UNC79: variants seen among roughly 807,000 people sequenced by gnomAD.
The protein encoded by UNC79 is unc-79 subunit of NALCN channel complex.
UNC79 carries 37 observed loss-of-function variants against 283.1 expected under a neutral mutation model. The observed-to-expected ratio is 0.13, with a 90% CI of 0.10 to 0.17. The LOEUF is 0.17. Ranked by LOEUF, UNC79 falls within the 10% of genes least tolerant of loss-of-function variation. The probability of loss-of-function intolerance (pLI) is 1.00; values close to 1 mark genes in which losing one functional copy is unlikely to be tolerated. For missense variants in UNC79, 2,272 were observed against 3,211.1 expected (o/e 0.71, Z 7.07); for synonymous variants, 1,107 against 1,200.2 (o/e 0.92, Z 1.61).
intron 8 of UNC79, among the ~76,000 whole-genome samples, chr14:93,527,775 T>C (rs1027443733): frequency 1.4e-4 from 21 of 152,228 alleles, no homozygotes; most frequent in African/African-American, 4.3e-4. Flanking sequence ...TTGTAAATTA[T>C]AGAAATTTAA....
In UNC79 at chr14:93,452,603, G is replaced by T. The variant is rs367965904; in HGVS notation, c.23-15068G>T. 2.0e-5 allele frequency among the ~76,000 whole-genome samples: 3 copies of T among 152,050 alleles called. No individual in the cohort carries two copies. In the South Asian group the frequency reaches 6.2e-4, roughly 32 times the overall value. On this transcript the variant is annotated intron_variant, in intron 1 of 48. Transcript: ENST00000555664. ...AGGGTTTCGCCATGTTGGACAGACTGGTCTCGACCCCTGACCTCAGATGAC... is the reference window on the plus strand; with the variant it reads ...AGGGTTTCGCCATGTTGGACAGACTTGTCTCGACCCCTGACCTCAGATGAC...
At position 93,530,730 on chromosome 14, in the gene UNC79, A is replaced by G. The variant is rs529541837; in HGVS notation, c.1093+1404A>G. Reference sequence around the variant, plus strand: ...CAAGACCATCCTGGCTAACATGGTGAAACCCCGTCACTACTAAAAATACAA... The same window carrying G: ...CAAGACCATCCTGGCTAACATGGTGGAACCCCGTCACTACTAAAAATACAA... On this transcript the variant is annotated intron_variant, in intron 10 of 48. Transcript: ENST00000555664. Among the ~76,000 whole-genome samples, 22 of 152,310 alleles carry G rather than the reference A, an allele frequency of 1.4e-4. No individual in the cohort carries two copies. In the South Asian group the frequency reaches 3.7e-3, roughly 26 times the overall value.
At chr14:93,501,168 T>C (rs771423496) in intron 7 of UNC79, among the ~76,000 whole-genome samples, 1 of 150,750 alleles carries the variant, frequency 6.6e-6, no homozygotes, top group Non-Finnish European at 1.5e-5. Flanking sequence ...CTACTAAAAA[T>C]ACAAAAATTA....
At chr14:93,444,890 C>A (rs2056417657) in intron 1 of UNC79, among the ~76,000 whole-genome samples, 1 of 152,152 alleles carries the variant, frequency 6.6e-6, no homozygotes. Context: ...TAATTTGCTT[C>A]CAAGGAAGCT....
Position 93,700,247 on chromosome 14 carries a change from TAG to T in UNC79, c.7549-4375_7549-4374del, listed in dbSNP as rs2075431093. Among the ~76,000 whole-genome samples, 3 of 152,254 alleles carry T rather than the reference TAG, an allele frequency of 2.0e-5. No individual in the cohort carries two copies. The South Asian group carries it at 6.2e-4, about 32-fold the overall frequency. ...GCAATTTGATGATGCTATGCCTTGG[TAG>T]AGTTTTCTTCATATTTCTGGTGCTT... On this transcript the variant is annotated intron_variant, in intron 47 of 48. Coordinates refer to ENST00000555664, the Ensembl canonical transcript of UNC79.
intron 33 of UNC79, among the ~76,000 whole-genome samples, chr14:93,642,424 C>CAAAA (rs5810634): frequency 1.9e-5 from 2 of 106,142 alleles, no homozygotes; most frequent in Non-Finnish European, 1.8e-5. Context: ...GACTCCATCT[C>CAAAA]AAAAAAAAAA....
chr14:93,699,055 CCTAT>C (rs2075351797), intron 47 of UNC79, among the ~76,000 whole-genome samples: 2 of 151,886 alleles, frequency 1.3e-5, no homozygotes, highest in African/African-American at 4.8e-5. Flanking sequence ...TTACTTTTAA[CCTAT>C]CTATGTTTTT....
At chr14:93,379,308 T>TGA (rs557764223) in intron 1 of UNC79, among the ~76,000 whole-genome samples, 403 of 152,152 alleles carry the variant, frequency 2.6e-3, no homozygotes, top group African/African-American at 9.2e-3. Context: ...TGGTGGAGGT[T>TGA]GAGAGAGAGT....
intron 4 of UNC79, among the ~76,000 whole-genome samples, chr14:93,479,433 G>T (rs940077240): frequency 1.3e-5 from 2 of 152,090 alleles, no homozygotes; most frequent in Non-Finnish European, 2.9e-5. Flanking sequence ...AAATAGCTGG[G>T]ACTACAGGCA....
At chr14:93,404,493 A>AATATATATATATATATAT (rs1445930733) in intron 1 of UNC79, among the ~76,000 whole-genome samples, 1 of 61,486 alleles carries the variant, frequency 1.6e-5, no homozygotes, top group East Asian at 2.8e-4. Flanking sequence ...TTCTAAAAAA[A>AATATATATATATATATAT]ATATATATAT....
intron 25 of UNC79, among the ~76,000 whole-genome samples, chr14:93,602,475 A>T (rs750379964): frequency 6.6e-6 from 1 of 152,200 alleles, no homozygotes; most frequent in Non-Finnish European, 1.5e-5. Flanking sequence ...CTATTTTAAT[A>T]CAAGTACCAT....
chr14:93,566,515 C>G (rs1297333495), intron 14 of UNC79, among the ~76,000 whole-genome samples: 3 of 152,094 alleles, frequency 2.0e-5, no homozygotes, highest in African/African-American at 7.2e-5. Context: ...CCTTGAGTAA[C>G]AGGCCACCTG....
intron 4 of UNC79, among the ~76,000 whole-genome samples, chr14:93,482,230 C>T (rs1428559826): frequency 1.3e-5 from 2 of 152,122 alleles, no homozygotes; most frequent in African/African-American, 4.8e-5. Context: ...AGGCCATCTG[C>T]TGGGGCTTGG....
At chr14:93,695,315 A>G (rs1342592577) in intron 47 of UNC79, among the ~76,000 whole-genome samples, 2 of 152,190 alleles carry the variant, frequency 1.3e-5, no homozygotes, top group South Asian at 2.1e-4. Flanking sequence ...CCACTCTTCA[A>G]CAAAGAACAT....
Position 93,386,014 on chromosome 14 carries a change from A to G in UNC79, c.-351+52491A>G, listed in dbSNP as rs564080637. 6.6e-5 allele frequency among the ~76,000 whole-genome samples: 10 copies of G among 152,236 alleles called. No homozygotes were observed. In the South Asian group the frequency reaches 1.9e-3, roughly 28 times the overall value. ...ACTATAACTTTTAGCACTTTGTTGA[A>G]TAACAGTGATGACAGTGGGCATCCT... On this transcript the variant is annotated intron_variant, in intron 1 of 49. Coordinates refer to the UNC79 transcript ENST00000256339.
intron 35 of UNC79, among the ~76,000 whole-genome samples, chr14:93,651,912 ATTTTTTTTT>A (rs71129653): frequency 6.4e-5 from 3 of 46,602 alleles, no homozygotes; most frequent in Admixed American, 3.1e-4. Flanking sequence ...CTAATTTTGT[ATTTTTTTTT>A]TTTTTTTTTT....
intron 35 of UNC79, among the ~76,000 whole-genome samples, chr14:93,648,823 C>G (rs1301476715): frequency 6.6e-6 from 1 of 152,132 alleles, no homozygotes; most frequent in Non-Finnish European, 1.5e-5. Context: ...GCCAATATAA[C>G]CACAGCACAG....
intron 23 of UNC79, among the ~76,000 whole-genome samples, chr14:93,594,806 C>T (rs908931802): frequency 6.6e-6 from 1 of 151,910 alleles, no homozygotes; most frequent in Admixed American, 6.6e-5. Flanking sequence ...CAGGCGGGGT[C>T]GGCATGCCAC....
At chr14:93,514,904 T>G (rs1024645051) in intron 7 of UNC79, among the ~76,000 whole-genome samples, 1 of 152,184 alleles carries the variant, frequency 6.6e-6, no homozygotes, top group African/African-American at 2.4e-5. Flanking sequence ...CAATACCAGC[T>G]TTTTATTATG....
Sources: allele counts gnomAD v4.1 joint callset (sites outside exome capture counted in the v4.1 genomes callset), GRCh38; gene constraint gnomAD v4.1.1; transcripts MANE v1.5; gene names NCBI Gene and HGNC (gene_info 2026-07-23, HGNC 2026-07-21).